The following CNTN5 variants were observed in gnomAD, a reference collection of about 807,000 sequenced individuals.
CNTN5 encodes contactin-5.
A neutral mutation model predicts 129.1 loss-of-function variants in CNTN5; 77 were observed. That is an observed-to-expected ratio of 0.60 (90% CI 0.50 to 0.72). The LOEUF is 0.72. CNTN5 is among the 30% of genes least tolerant of loss of function. The probability of loss-of-function intolerance (pLI) is 0.00; values close to 1 mark genes in which losing one functional copy is unlikely to be tolerated. For synonymous variants in CNTN5, 509 were observed against 465.6 expected (o/e 1.09, Z -1.20); for missense variants, 1,478 against 1,328.8 (o/e 1.11, Z -1.75).
At chr11:99,103,505 AT>A (rs1284031048) in intron 1 of CNTN5, among the ~76,000 whole-genome samples, 1 of 151,940 alleles carries the variant, frequency 6.6e-6, no homozygotes, top group African/African-American at 2.4e-5. Context: ...GACCTTAACA[AT>A]TTTTTATTTC....
intron 3 of CNTN5, among the ~76,000 whole-genome samples, chr11:99,806,425 TGTGA>T (rs1307143489): frequency 4.6e-5 from 7 of 152,160 alleles, no homozygotes; most frequent in Non-Finnish European, 1.0e-4. Flanking sequence ...ATACTATGTA[TGTGA>T]GTGAGTGTGT....
At chr11:99,188,254 A>G (rs928806592) in intron 1 of CNTN5, among the ~76,000 whole-genome samples, 2 of 151,802 alleles carry the variant, frequency 1.3e-5, no homozygotes, top group Non-Finnish European at 2.9e-5. Context: ...ACATGTATAT[A>G]TGTCACTTCC....
intron 2 of CNTN5, among the ~76,000 whole-genome samples, chr11:99,397,485 G>A (rs1022029792): frequency 6.6e-6 from 1 of 151,646 alleles, no homozygotes; most frequent in South Asian, 2.1e-4. Context: ...GAATTCTTTT[G>A]TACAGATTTT....
At chr11:100,132,000 G>A (rs977520429) in intron 13 of CNTN5, among the ~76,000 whole-genome samples, 27 of 152,164 alleles carry the variant, frequency 1.8e-4, no homozygotes, top group African/African-American at 5.8e-4. Context: ...GTACACAGGC[G>A]CAGTTTAGAG....
intron 2 of CNTN5, among the ~76,000 whole-genome samples, chr11:99,388,141 C>T (rs748330960): frequency 2.3e-4 from 35 of 151,950 alleles, no homozygotes; most frequent in Non-Finnish European, 3.4e-4. Context: ...CATGGCTGGA[C>T]GCGGGGGCTC....
intron 6 of CNTN5, among the ~76,000 whole-genome samples, chr11:99,901,149 A>G (rs1949346354): frequency 6.6e-6 from 1 of 152,196 alleles, no homozygotes; most frequent in Admixed American, 6.5e-5. Context: ...AGTGTGTGGC[A>G]GGTAGTGAGT....
At chr11:99,946,041 T>C (rs1380377834) in intron 7 of CNTN5, among the ~76,000 whole-genome samples, 2 of 152,190 alleles carry the variant, frequency 1.3e-5, no homozygotes, top group Non-Finnish European at 2.9e-5. Context: ...GTTTAACAGT[T>C]TGTGTGCAGT....
intron 23 of CNTN5, among the ~76,000 whole-genome samples, chr11:100,344,236 A>G (rs558197355): frequency 6.6e-6 from 1 of 152,300 alleles, no homozygotes; most frequent in African/African-American, 2.4e-5. Flanking sequence ...CACCTTTTAC[A>G]TTAAGTCCAG....
intron 3 of CNTN5, among the ~76,000 whole-genome samples, chr11:99,757,752 C>T (rs1456482543): frequency 6.6e-6 from 1 of 152,034 alleles, no homozygotes; most frequent in Admixed American, 6.6e-5. Context: ...AATTCCGACT[C>T]TGCTACTTAG....
intron 2 of CNTN5, among the ~76,000 whole-genome samples, chr11:99,545,828 T>C (rs532313127): frequency 1.3e-5 from 2 of 152,314 alleles, no homozygotes; most frequent in East Asian, 3.9e-4. Flanking sequence ...CCAAGTCCCC[T>C]TTTCCGTAAG....
rs775444360 is a variant in CNTN5 at position 100,293,864 on chromosome 11, G to A, written c.2315-3761G>A. On this transcript the variant is annotated intron_variant, in intron 18 of 24. Coordinates refer to ENST00000524871, the MANE Select transcript of CNTN5 (RefSeq NM_014361.4). Reference sequence around the variant, plus strand: ...TTTTCTGGGCGGGTTGGGGGATGGTGGGCAAGGGGAACTCCTTCAATTTAA... The same window carrying A: ...TTTTCTGGGCGGGTTGGGGGATGGTAGGCAAGGGGAACTCCTTCAATTTAA... 1.3e-4 allele frequency among the ~76,000 whole-genome samples: 20 copies of A among 151,764 alleles called. No individual in the cohort carries two copies. The South Asian group carries it at 3.5e-3, about 27-fold the overall frequency.
At chr11:99,075,097 A>T (rs1446362430) in intron 1 of CNTN5, among the ~76,000 whole-genome samples, 2 of 152,214 alleles carry the variant, frequency 1.3e-5, no homozygotes, top group African/African-American at 4.8e-5. Flanking sequence ...ACTTTCGTGA[A>T]TTATTCACTG....
intron 19 of CNTN5, 36 bp downstream of exon 19, chr11:100,297,731 G>A (rs773956927): frequency 8.3e-6 from 12 of 1,441,438 alleles, no homozygotes; most frequent in Middle Eastern, 1.7e-4. Context: ...ATTACTCCAC[G>A]TGTTTGTTTG....
intron 1 of CNTN5, among the ~76,000 whole-genome samples, chr11:99,192,716 A>T (rs1437144950): frequency 6.6e-6 from 1 of 152,106 alleles, no homozygotes; most frequent in Non-Finnish European, 1.5e-5. Context: ...GCTTATTTAA[A>T]TCTACTGTAT....
At chr11:100,203,799 T>TACACACACAC (rs59141425) in intron 15 of CNTN5, among the ~76,000 whole-genome samples, 56,792 of 138,790 alleles carry the variant, frequency 0.41, 13,082 homozygotes, top group Non-Finnish European at 0.5. Context: ...AATGTGCACG[T>TACACACACAC]ACACACACAC....
chr11:99,330,365 G>A (rs1354676434), intron 2 of CNTN5, among the ~76,000 whole-genome samples: 2 of 151,928 alleles, frequency 1.3e-5, no homozygotes, highest in Non-Finnish European at 2.9e-5. Flanking sequence ...GGCTCTTGTG[G>A]GATATAAGAC....
intron 2 of CNTN5, among the ~76,000 whole-genome samples, chr11:99,496,524 G>T (rs1276527082): frequency 6.6e-6 from 1 of 152,128 alleles, no homozygotes; most frequent in Non-Finnish European, 1.5e-5. Context: ...CTTACCTAAT[G>T]TAAGTTTCCT....
chr11:100,259,303 T>G lies in CNTN5; in HGVS notation c.2164+3385T>G, dbSNP rs567048389. Among the ~76,000 whole-genome samples the G allele has an allele frequency of 6.6e-5, 10 of 151,844 alleles. No individual in the cohort carries two copies. The East Asian group carries it at 1.9e-3, about 30-fold the overall frequency. On this transcript the variant is annotated intron_variant, in intron 17 of 24. Transcript: ENST00000524871. ...GCACCCATATTCATAAAGCAAGTCC[T>G]TAGAGATCTACAAAGAGACTTAGAC...
intron 6 of CNTN5, among the ~76,000 whole-genome samples, chr11:99,857,693 G>A (rs1948082077): frequency 1.3e-5 from 2 of 152,076 alleles, no homozygotes; most frequent in African/African-American, 4.8e-5. Context: ...GATGTCTGAA[G>A]CAAACTAAGA....
Sources: gnomAD v4.1 joint callset for allele counts (sites outside exome capture counted in the v4.1 genomes callset) on GRCh38, gnomAD v4.1.1 for gene constraint, MANE v1.5 for transcripts, NCBI Gene and HGNC (gene_info 2026-07-23, HGNC 2026-07-21) for gene names.